BSPH1: variants seen among roughly 807,000 people sequenced by gnomAD.
The protein encoded by BSPH1 is binder of sperm protein homolog 1.
BSPH1 carries 21 observed loss-of-function variants against 22.5 expected under a neutral mutation model. The observed-to-expected ratio is 0.93, with a 90% CI of 0.66 to 1.35. The LOEUF (loss-of-function observed/expected upper bound fraction) is 1.35. Among genes scored for constraint, BSPH1 ranks in the 40% most tolerant of loss-of-function variants. BSPH1 has a pLI of 0.00. For synonymous variants in BSPH1, 42 were observed against 53.6 expected (o/e 0.78, Z 0.95); for missense variants, 141 against 154.2 (o/e 0.91, Z 0.45).
At position 47,977,419 on chromosome 19, in the gene BSPH1, C is replaced by G. The variant is rs150415301; in HGVS notation, c.210G>C (p.Ser70=). The change falls in exon 4 of 6, where the codon TCG becomes TCC. Residue 70 remains serine (S), a synonymous_variant. Transcript: ENST00000344839. Reference sequence around the variant, plus strand: ...AGTATCCTTCGTAGGTCTTGTTTAACGAGCACCACTTGTGTCTTGCCTTGG... The same window carrying G: ...AGTATCCTTCGTAGGTCTTGTTTAAGGAGCACCACTTGTGTCTTGCCTTGG... ...IKSKARHKWC[S]LNKTYEGYWK... is the part of the protein sequence containing the mutation. 4.4e-5 allele frequency: 68 copies of G among 1,552,072 alleles called. No individual in the cohort carries two copies. The highest frequency in any genetic ancestry group is 5.4e-5 in the Non-Finnish European group (62 of 1,147,116).
intron 1 of BSPH1, among the ~76,000 whole-genome samples, chr19:47,986,621 TG>T (rs1401896626): frequency 6.6e-6 from 1 of 152,036 alleles, no homozygotes; most frequent in African/African-American, 2.4e-5. Flanking sequence ...GGCGTGCACC[TG>T]TAGTCCCAGC....
At chr19:47,968,648 C>T (rs1228036466) in intron 5 of BSPH1, among the ~76,000 whole-genome samples, 1 of 144,434 alleles carries the variant, frequency 6.9e-6, no homozygotes, top group South Asian at 2.2e-4. Context: ...ACTCACTGCA[C>T]TCCAGCCTGA....
intron 1 of BSPH1, among the ~76,000 whole-genome samples, chr19:47,990,118 C>CAAAAAAAAAAA (rs11329791): frequency 4.0e-5 from 4 of 99,648 alleles, no homozygotes; most frequent in Admixed American, 1.1e-4. Context: ...GACTCCATCT[C>CAAAAAAAAAAA]AAAAAAAAAA....
chr19:47,988,910 A>G (rs1292378373), intron 1 of BSPH1, among the ~76,000 whole-genome samples: 2 of 152,116 alleles, frequency 1.3e-5, no homozygotes, highest in East Asian at 3.9e-4. Flanking sequence ...TTGCCAATTC[A>G]ATTATTTTTT....
chr19:47,987,120 T>C (rs1404311978), intron 1 of BSPH1, among the ~76,000 whole-genome samples: 4 of 152,184 alleles, frequency 2.6e-5, no homozygotes, highest in Non-Finnish European at 5.9e-5. Context: ...AAGGACCTAT[T>C]TCAAATACAG....
intron 5 of BSPH1, among the ~76,000 whole-genome samples, chr19:47,973,013 C>G (rs1441526185): frequency 6.6e-6 from 1 of 151,566 alleles, no homozygotes; most frequent in South Asian, 2.1e-4. Context: ...GTCAGGAGAT[C>G]GAGACCATCC....
intron 2 of BSPH1, chr19:47,980,477 C>CTT (rs11363158): frequency 7.2e-4 from 148 of 204,328 alleles, no homozygotes; most frequent in Non-Finnish European, 1.0e-3. Context: ...CTTCTTCTTT[C>CTT]TTTTTTTTTT....
chr19:47,977,744 T>G, intron 3 of BSPH1: 5 of 908,012 alleles, frequency 5.5e-6, no homozygotes, highest in East Asian at 1.2e-4. Context: ...AAATTTTGCT[T>G]AGCATTTGCC....
chr19:47,979,210 T>A (rs533869287), intron 3 of BSPH1, among the ~76,000 whole-genome samples: 1 of 152,144 alleles, frequency 6.6e-6, no homozygotes, highest in African/African-American at 2.4e-5. Context: ...GCTGATTCCA[T>A]GTTGCTTATA....
chr19:47,970,646 G>A (rs913950918), intron 5 of BSPH1, among the ~76,000 whole-genome samples: 1 of 152,128 alleles, frequency 6.6e-6, no homozygotes, highest in African/African-American at 2.4e-5. Context: ...ATGAACAGGT[G>A]GGCTGTGATT....
At position 47,974,776 on chromosome 19, in the gene BSPH1, T is replaced by C. The variant is rs143823726; in HGVS notation, c.*2+1934A>G. On this transcript the variant is annotated intron_variant, in intron 5 of 5. Coordinates refer to ENST00000344839, the MANE Select transcript of BSPH1 (RefSeq NM_001128326.2). ...ATTATCTATAGTTTCCAGTTTCCTC[T>C]AACTACCCAATTTGAGCGTGCAGTA... Among the ~76,000 whole-genome samples, 478 of 105,618 alleles carry C rather than the reference T, an allele frequency of 4.5e-3. 2 individuals carry two copies. Among genetic ancestry groups the C allele is most frequent in the African/African-American group, 0.016 (410 of 25,370 alleles). 69.3% of individuals were successfully genotyped at this position (105,618 alleles called of 152,430 possible). A position where few individuals can be genotyped will look rare whatever the true frequency, so the allele number is the denominator to read the frequency against.
Position 47,979,487 on chromosome 19 carries a change from T to G in BSPH1, c.124+83A>C, listed in dbSNP as rs990504726. The G allele has an allele frequency of 4.3e-6, 3 of 691,224 alleles. No homozygotes were observed. In the African/African-American group the frequency reaches 5.7e-5, roughly 13 times the overall value. The allele number at this position is 691,224 out of a possible 1,614,324, so 42.8% of individuals were successfully genotyped here. A position where few individuals can be genotyped will look rare whatever the true frequency, so the allele number is the denominator to read the frequency against. ...AAGGAGAAAAAATGATTTTTTTTAC[T>G]GGAAAAACATTACTGATTTCCTCAC... On this transcript the variant is annotated intron_variant, in intron 3 of 5. Transcript: ENST00000344839.
intron 1 of BSPH1, 131 bp downstream of exon 1, chr19:47,991,878 T>A: frequency 6.8e-6 from 3 of 439,220 alleles, no homozygotes; most frequent in East Asian, 1.1e-4. Flanking sequence ...TCCTTCCTCC[T>A]CCTTCCCCTC....
intron 1 of BSPH1, among the ~76,000 whole-genome samples, chr19:47,989,108 GTTTTATTATTAT>G (rs1568399749): frequency 8.2e-6 from 1 of 122,384 alleles, no homozygotes; most frequent in Non-Finnish European, 1.7e-5. Flanking sequence ...TCAAGTCACC[GTTTTATTATTAT>G]TATTATTATT....
At chr19:47,991,314 T>C (rs1390030153) in intron 1 of BSPH1, among the ~76,000 whole-genome samples, 1 of 152,060 alleles carries the variant, frequency 6.6e-6, no homozygotes, top group African/African-American at 2.4e-5. Context: ...TCCAAGATTT[T>C]ATAGCCCCTG....
intron 2 of BSPH1, among the ~76,000 whole-genome samples, chr19:47,980,161 A>T (rs930671941): frequency 7.9e-5 from 12 of 151,804 alleles, no homozygotes; most frequent in Admixed American, 2.0e-4. Flanking sequence ...TATGACACTT[A>T]GATTAAGAAT....
At chr19:47,976,620 G>A (rs1324447784) in intron 5 of BSPH1, 90 bp downstream of exon 5, 252 of 662,018 alleles carry the variant, frequency 3.8e-4, no homozygotes, top group South Asian at 1.5e-3. Flanking sequence ...TCTCTAATGA[G>A]AAAGGGTTCT....
chr19:47,980,814 T>C (rs1357319857), intron 2 of BSPH1, 107 bp downstream of exon 2: 1 of 648,608 alleles, frequency 1.5e-6, no homozygotes. Flanking sequence ...TAGTAATCTT[T>C]AATGAAAAGT....
In BSPH1 at chr19:47,992,098, C is replaced by G. The variant is rs1568400648; in HGVS notation, c.-17G>C. 1 of 1,548,318 alleles carries G rather than the reference C, an allele frequency of 6.5e-7. No homozygotes were observed. Among genetic ancestry groups the G allele is most frequent in the East Asian group, 2.4e-5 (1 of 40,838 alleles). On this transcript the variant is annotated 5_prime_UTR_variant, in exon 1 of 6. Coordinates refer to ENST00000344839, the MANE Select transcript of BSPH1 (RefSeq NM_001128326.2). Reference sequence around the variant, plus strand: ...GGAGCCCATGGGCAGTCACAGGCTTCCCGGTATCTCAGATCTTCCTGGTCT... The same window carrying G: ...GGAGCCCATGGGCAGTCACAGGCTTGCCGGTATCTCAGATCTTCCTGGTCT...
Sources: gnomAD v4.1 joint callset for allele counts (sites outside exome capture counted in the v4.1 genomes callset) on GRCh38, gnomAD v4.1.1 for gene constraint, MANE v1.5 for transcripts, NCBI Gene and HGNC (gene_info 2026-07-23, HGNC 2026-07-21) for gene names.